Variants in AQR observed in about 807,000 individuals in gnomAD.
AQR encodes the protein aquarius intron-binding spliceosomal factor, also known as RNA helicase aquarius.
In AQR, 61 loss-of-function variants were observed where a neutral mutation model predicts 180.5. That is an observed-to-expected ratio of 0.34 (90% CI 0.28 to 0.42). The LOEUF is 0.42. Ranked by LOEUF, AQR falls within the 10% of genes least tolerant of loss-of-function variation. AQR has a pLI of 1.00. For missense variants in AQR, 1,281 were observed against 1,798.3 expected, an observed-to-expected ratio of 0.71 and a Z score of 5.20; for synonymous variants, 551 against 588.8, an observed-to-expected ratio of 0.94 and a Z score of 0.93.
chr15:34,940,026 C>A (rs1893999724), intron 8 of AQR, among the ~76,000 whole-genome samples: 1 of 152,242 alleles, frequency 6.6e-6, no homozygotes, highest in South Asian at 2.1e-4. Flanking sequence ...AAAAAAAAAT[C>A]ACAGAGCATG....
At chr15:34,921,361 G>A (rs926861195) in intron 13 of AQR, among the ~76,000 whole-genome samples, 7 of 149,762 alleles carry the variant, frequency 4.7e-5, no homozygotes, top group Non-Finnish European at 7.4e-5. Context: ...TTAAACCCAG[G>A]AGGCAGAGGT....
At chr15:34,943,486 T>A (rs1595805741) in intron 6 of AQR, 6 of 481,696 alleles carry the variant, frequency 1.2e-5, no homozygotes, top group South Asian at 5.4e-5. Context: ...TAAATAAAAA[T>A]AAATGTTAAA....
At position 34,969,639 on chromosome 15, in the gene AQR, T is replaced by C. The variant is rs759283394; in HGVS notation, c.-26A>G. On this transcript the variant is annotated 5_prime_UTR_variant, in exon 1 of 35. Transcript: ENST00000156471. The stretch of plus-strand genomic sequence containing the variant: ...GGCAGCACTCTTCCCTCCACTCCAG[T>C]GGAAACTAAAGGACCGCTCTGGGCA... 6.2e-7 allele frequency: 1 copy of C among 1,610,640 alleles called. No individual in the cohort carries two copies. Among genetic ancestry groups the C allele is most frequent in the Admixed American group, 1.7e-5 (1 of 59,626 alleles).
At chr15:34,950,509 TGA>T (rs1467729750) in intron 4 of AQR, among the ~76,000 whole-genome samples, 3 of 152,218 alleles carry the variant, frequency 2.0e-5, no homozygotes, top group Admixed American at 6.5e-5. Flanking sequence ...TTTTGCTAAT[TGA>T]GTTTTTAAAT....
chr15:34,882,427 A>G, intron 27 of AQR, 75 bp downstream of exon 27: 1 of 1,338,584 alleles, frequency 7.5e-7, no homozygotes, highest in Non-Finnish European at 9.8e-7. Context: ...AATTATAAAT[A>G]CGAACTTCAT....
At chr15:34,860,647 A>T (rs1462940711) in intron 33 of AQR, among the ~76,000 whole-genome samples, 1 of 152,240 alleles carries the variant, frequency 6.6e-6, no homozygotes, top group Non-Finnish European at 1.5e-5. Context: ...TGCTCCAAAG[A>T]CAGTTCTTAA....
chr15:34,966,559 T>C (rs1313244531), intron 1 of AQR, among the ~76,000 whole-genome samples: 3 of 152,216 alleles, frequency 2.0e-5, no homozygotes, highest in Non-Finnish European at 4.4e-5. Flanking sequence ...GTGAGTTCTT[T>C]AAGTCTCTTA....
chr15:34,881,784 G>C (rs1183664334), intron 27 of AQR, among the ~76,000 whole-genome samples: 1 of 152,014 alleles, frequency 6.6e-6, no homozygotes. Context: ...ATGTCTAATA[G>C]ATGAAAACCA....
intron 16 of AQR, among the ~76,000 whole-genome samples, chr15:34,914,213 T>C (rs1243204436): frequency 6.6e-6 from 1 of 152,228 alleles, no homozygotes; most frequent in African/African-American, 2.4e-5. Context: ...ACTTGTGATG[T>C]ATAACTTACA....
chr15:34,901,565 C>A (rs993245775), intron 19 of AQR, among the ~76,000 whole-genome samples: 6 of 152,160 alleles, frequency 3.9e-5, no homozygotes, highest in African/African-American at 1.2e-4. Context: ...AGCTATCTCA[C>A]ATATAGAAAT....
chr15:34,929,644 G>A (rs1453209726), intron 12 of AQR, among the ~76,000 whole-genome samples: 1 of 152,136 alleles, frequency 6.6e-6, no homozygotes, highest in Non-Finnish European at 1.5e-5. Flanking sequence ...CTTTGGAGAA[G>A]AGAGATCTCT....
intron 16 of AQR, 42 bp downstream of exon 16, chr15:34,914,996 C>T (rs1292345237): frequency 6.4e-7 from 1 of 1,551,620 alleles, no homozygotes; most frequent in Non-Finnish European, 8.7e-7. Flanking sequence ...TTATCAGTCA[C>T]TGTTTGCATC....
chr15:34,903,538 A>G (rs1275873866), intron 19 of AQR, among the ~76,000 whole-genome samples: 2 of 152,152 alleles, frequency 1.3e-5, no homozygotes, highest in Admixed American at 6.5e-5. Flanking sequence ...AGATAAAGAG[A>G]AATTAAGGAT....
intron 30 of AQR, among the ~76,000 whole-genome samples, chr15:34,872,706 T>C (rs1892837299): frequency 6.6e-6 from 1 of 152,126 alleles, no homozygotes; most frequent in African/African-American, 2.4e-5. Context: ...TATAACCAAA[T>C]ATTTGGAGGG....
intron 7 of AQR, 62 bp downstream of exon 7, chr15:34,941,950 C>T (rs965298972): frequency 1.8e-5 from 24 of 1,348,154 alleles, no homozygotes; most frequent in Admixed American, 1.6e-4. Flanking sequence ...AGGCTATAGA[C>T]TAAAACCACA....
intron 20 of AQR, among the ~76,000 whole-genome samples, chr15:34,899,308 A>T (rs1893295471): frequency 6.6e-6 from 1 of 152,178 alleles, no homozygotes; most frequent in East Asian, 1.9e-4. Context: ...TCTTTGCCAT[A>T]AATAGGATTA....
chr15:34,886,161 A>G (rs553842505), intron 25 of AQR, among the ~76,000 whole-genome samples: 1 of 152,320 alleles, frequency 6.6e-6, no homozygotes, highest in African/African-American at 2.4e-5. Flanking sequence ...TAGTTGATTA[A>G]TGTATACAAT....
chr15:34,889,692 GAC>G (rs1893113648), intron 24 of AQR, among the ~76,000 whole-genome samples: 1 of 151,122 alleles, frequency 6.6e-6, no homozygotes, highest in African/African-American at 2.4e-5. Context: ...TTTTTTTTGA[GAC>G]AGAGTCTTGC....
At chr15:34,865,049 C>CAA (rs148593916) in intron 32 of AQR, among the ~76,000 whole-genome samples, 1 of 151,170 alleles carries the variant, frequency 6.6e-6, no homozygotes, top group African/African-American at 2.4e-5. Context: ...AACTACCAGG[C>CAA]AAAAAAAACA....
Sources: allele counts gnomAD v4.1 joint callset (sites outside exome capture counted in the v4.1 genomes callset), GRCh38; gene constraint gnomAD v4.1.1; transcripts MANE v1.5; gene names NCBI Gene and HGNC (gene_info 2026-07-23, HGNC 2026-07-21).